MGAT5: variants seen among roughly 807,000 people sequenced by gnomAD.
The protein encoded by MGAT5 is alpha-1,6-mannosylglycoprotein 6-beta-N-acetylglucosaminyltransferase A.
MGAT5 carries 30 observed loss-of-function variants against 94.3 expected under a neutral mutation model. The observed-to-expected ratio is 0.32, with a 90% CI of 0.24 to 0.43. The LOEUF is 0.43. Among genes scored for constraint, MGAT5 ranks in the 20% least tolerant of loss-of-function variants. MGAT5 has a pLI of 1.00. For missense variants in MGAT5, 691 were observed against 905.5 expected, an observed-to-expected ratio of 0.76 and a Z score of 3.04; for synonymous variants, 310 against 322.9, an observed-to-expected ratio of 0.96 and a Z score of 0.43.
chr2:134,231,755 T>A (rs777176399), intron 1 of MGAT5, among the ~76,000 whole-genome samples: 2 of 152,146 alleles, frequency 1.3e-5, no homozygotes, highest in African/African-American at 4.8e-5. Context: ...TGGGGAAAGA[T>A]CACTGGGTTT....
intron 8 of MGAT5, among the ~76,000 whole-genome samples, chr2:134,346,997 C>T (rs539616188): frequency 6.6e-6 from 1 of 152,120 alleles, no homozygotes; most frequent in African/African-American, 2.4e-5. Context: ...ATGGCTGCTG[C>T]GATCGCTGTT....
chr2:134,271,928 A>G (rs1047803997), intron 2 of MGAT5, among the ~76,000 whole-genome samples: 5 of 152,120 alleles, frequency 3.3e-5, no homozygotes, highest in Admixed American at 6.5e-5. Flanking sequence ...GAAAGGCCCT[A>G]TGTGGTTTCA....
chr2:134,233,334 G>T (rs1410545773), intron 1 of MGAT5, among the ~76,000 whole-genome samples: 1 of 152,140 alleles, frequency 6.6e-6, no homozygotes, highest in Non-Finnish European at 1.5e-5. Context: ...AGACTTTTAG[G>T]TGCTGACCCA....
chr2:134,121,323 C>T (rs1045011703), intron 1 of MGAT5, among the ~76,000 whole-genome samples: 44 of 152,350 alleles, frequency 2.9e-4, no homozygotes, highest in African/African-American at 9.9e-4. Context: ...GTGCCCGGAC[C>T]TGGCGCGGCG....
intron 1 of MGAT5, among the ~76,000 whole-genome samples, chr2:134,132,133 A>AT (rs1431014783): frequency 6.6e-6 from 1 of 152,230 alleles, no homozygotes; most frequent in Non-Finnish European, 1.5e-5. Flanking sequence ...GTAGAAAGTA[A>AT]TTTTAGTGTC....
At chr2:134,182,782 T>A (rs950883022) in intron 1 of MGAT5, among the ~76,000 whole-genome samples, 2 of 119,918 alleles carry the variant, frequency 1.7e-5, no homozygotes, top group African/African-American at 7.8e-5. Context: ...GAAGATTAGT[T>A]TTTTTTTTTT....
intron 4 of MGAT5, 104 bp from the exon 5 acceptor site, chr2:134,336,113 T>G: frequency 1.2e-6 from 1 of 850,938 alleles, no homozygotes; most frequent in South Asian, 1.6e-5. Context: ...TAGCACATAT[T>G]AATATAGTGC....
At chr2:134,421,652 C>T (rs949305877) in intron 12 of MGAT5, among the ~76,000 whole-genome samples, 6 of 152,110 alleles carry the variant, frequency 3.9e-5, no homozygotes, top group African/African-American at 1.4e-4. Flanking sequence ...TTGAAAGTTT[C>T]GTGGGCAGTG....
At chr2:134,378,359 TTC>T (rs1212984150) in intron 10 of MGAT5, among the ~76,000 whole-genome samples, 2 of 152,174 alleles carry the variant, frequency 1.3e-5, no homozygotes, top group Non-Finnish European at 2.9e-5. Context: ...TTTATAATTC[TTC>T]TCTGTCTGTG....
chr2:134,356,098 G>T (rs1483033299), intron 9 of MGAT5, among the ~76,000 whole-genome samples: 1 of 151,954 alleles, frequency 6.6e-6, no homozygotes, highest in African/African-American at 2.4e-5. Context: ...CAACATTTTG[G>T]CTATCATTCA....
intron 12 of MGAT5, among the ~76,000 whole-genome samples, chr2:134,415,559 A>G (rs936052298): frequency 3.0e-4 from 46 of 152,290 alleles, no homozygotes; most frequent in African/African-American, 1.1e-3. Flanking sequence ...ATTTTCTCCC[A>G]TTCCATAGGT....
At chr2:134,431,138 G>C (rs1684854300) in intron 14 of MGAT5, among the ~76,000 whole-genome samples, 1 of 152,186 alleles carries the variant, frequency 6.6e-6, no homozygotes. Flanking sequence ...TGAAGAGAGG[G>C]ATGAGGTAAG....
At chr2:134,274,799 C>G (rs190852919) in intron 2 of MGAT5, among the ~76,000 whole-genome samples, 1 of 152,278 alleles carries the variant, frequency 6.6e-6, no homozygotes, top group Admixed American at 6.5e-5. Flanking sequence ...GGTATTTAAT[C>G]CAAGTTGAAC....
At chr2:134,153,108 T>C (rs80075994) in intron 1 of MGAT5, among the ~76,000 whole-genome samples, 1 of 151,994 alleles carries the variant, frequency 6.6e-6, no homozygotes, top group African/African-American at 2.4e-5. Context: ...TTAGTAGAGA[T>C]GGGCTTTCAC....
chr2:134,389,060 G>A (rs958521621), intron 10 of MGAT5, among the ~76,000 whole-genome samples: 6 of 152,012 alleles, frequency 3.9e-5, no homozygotes, highest in Admixed American at 2.0e-4. Context: ...CTGAGCCACC[G>A]CCCCCAGCCC....
At chr2:134,404,964 G>T (rs1683251048) in intron 11 of MGAT5, among the ~76,000 whole-genome samples, 2 of 152,218 alleles carry the variant, frequency 1.3e-5, no homozygotes, top group South Asian at 4.1e-4. Flanking sequence ...CTCCACATCA[G>T]ATTGTGGAAA....
intron 1 of MGAT5, among the ~76,000 whole-genome samples, chr2:134,233,739 C>A (rs991733149): frequency 4.6e-5 from 7 of 152,148 alleles, no homozygotes; most frequent in Admixed American, 4.6e-4. Flanking sequence ...AAATTTAAAC[C>A]CTGCAGGTAG....
At chr2:134,150,087 TG>T (rs1424336810) in intron 1 of MGAT5, among the ~76,000 whole-genome samples, 1 of 151,768 alleles carries the variant, frequency 6.6e-6, no homozygotes, top group Non-Finnish European at 1.5e-5. Context: ...AGGGTGAGAA[TG>T]GGTGGGGGTG....
At chr2:134,310,237 C>G (rs1686567421) in intron 2 of MGAT5, among the ~76,000 whole-genome samples, 1 of 152,134 alleles carries the variant, frequency 6.6e-6, no homozygotes, top group Non-Finnish European at 1.5e-5. Context: ...ATTTCCCATG[C>G]AGAACATGAA....
Sources: allele counts gnomAD v4.1 joint callset (sites outside exome capture counted in the v4.1 genomes callset), GRCh38; gene constraint gnomAD v4.1.1; transcripts MANE v1.5; gene names NCBI Gene and HGNC (gene_info 2026-07-23, HGNC 2026-07-21).